Variants in MLIP observed in about 807,000 individuals in gnomAD.
MLIP encodes muscular LMNA interacting protein.
In MLIP, 79 loss-of-function variants were observed where a neutral mutation model predicts 84.8. The ratio of observed to expected loss-of-function variants is 0.93; its 90% CI spans 0.78 to 1.12. MLIP has a LOEUF of 1.12. MLIP is among the 50% of genes most tolerant of loss of function. The pLI is 0.00. For missense variants in MLIP, 1,257 were observed against 1,160.6 expected, an observed-to-expected ratio of 1.08 and a Z score of -1.21; for synonymous variants, 504 against 463.0, an observed-to-expected ratio of 1.09 and a Z score of -1.14.
chr6:54,156,391 T>C (rs1774034036), intron 5 of MLIP, among the ~76,000 whole-genome samples: 1 of 152,102 alleles, frequency 6.6e-6, no homozygotes, highest in Non-Finnish European at 1.5e-5. Context: ...CCTGAGTAGA[T>C]AGTTCTGTCA....
intron 12 of MLIP, among the ~76,000 whole-genome samples, chr6:54,250,579 T>C (rs1194038252): frequency 6.6e-6 from 1 of 152,054 alleles, no homozygotes; most frequent in African/African-American, 2.4e-5. Context: ...TATTTAACAG[T>C]GTTCATTCAT....
chr6:54,099,438 A>G (rs1008602487), intron 1 of MLIP: 1 of 152,212 alleles, frequency 6.6e-6, no homozygotes, highest in African/African-American at 2.4e-5. Flanking sequence ...TGTCATTAGA[A>G]TATCTCAAAG....
intron 4 of MLIP, 112 bp from the exon 5 acceptor site, chr6:54,148,944 C>A: frequency 3.8e-6 from 3 of 794,014 alleles, no homozygotes; most frequent in South Asian, 1.7e-5. Context: ...AGCATAATAA[C>A]CCTTTTCTTC....
At chr6:54,052,248 T>C (rs1450393778) in intron 1 of MLIP, among the ~76,000 whole-genome samples, 1 of 152,132 alleles carries the variant, frequency 6.6e-6, no homozygotes, top group Non-Finnish European at 1.5e-5. Flanking sequence ...GATGAACATC[T>C]ACCTGGATGG....
chr6:54,180,349 T>C (rs933449454), intron 9 of MLIP, among the ~76,000 whole-genome samples: 1 of 152,198 alleles, frequency 6.6e-6, no homozygotes, highest in Non-Finnish European at 1.5e-5. Context: ...TGTACTTGAA[T>C]ATTGATATCT....
chr6:54,235,473 A>T (rs9464042), intron 12 of MLIP, among the ~76,000 whole-genome samples: 2 of 152,030 alleles, frequency 1.3e-5, no homozygotes, highest in South Asian at 4.2e-4. Context: ...TCCTGTGCCA[A>T]GGCATCTCAT....
intron 1 of MLIP, 73 bp from the exon 2 acceptor site, chr6:54,121,374 A>G: frequency 6.9e-7 from 1 of 1,458,056 alleles, no homozygotes; most frequent in Non-Finnish European, 9.5e-7. Context: ...GATAAATATC[A>G]TGTCATATGG....
At chr6:54,082,217 T>A (rs979456456) in intron 1 of MLIP, among the ~76,000 whole-genome samples, 2 of 152,214 alleles carry the variant, frequency 1.3e-5, no homozygotes, top group African/African-American at 4.8e-5. Flanking sequence ...AATGAATATA[T>A]TATATTTATT....
intron 2 of MLIP, among the ~76,000 whole-genome samples, chr6:54,122,254 C>T (rs967881550): frequency 6.6e-6 from 1 of 152,096 alleles, no homozygotes; most frequent in African/African-American, 2.4e-5. Context: ...TAGTACCTCA[C>T]TTTGGCAAAG....
At chr6:54,211,944 A>G (rs557485824) in intron 11 of MLIP, among the ~76,000 whole-genome samples, 83 of 152,294 alleles carry the variant, frequency 5.4e-4, no homozygotes, top group African/African-American at 1.5e-3. Flanking sequence ...TTGTGTTCTT[A>G]GTTCTTTAGG....
chr6:54,234,755 T>C (rs1582583641), intron 12 of MLIP, among the ~76,000 whole-genome samples: 1 of 152,186 alleles, frequency 6.6e-6, no homozygotes, highest in East Asian at 1.9e-4. Flanking sequence ...CTCTTGCATT[T>C]CTCTCCTCAC....
intron 1 of MLIP, among the ~76,000 whole-genome samples, chr6:54,028,303 A>G (rs1388515445): frequency 6.6e-6 from 1 of 152,090 alleles, no homozygotes; most frequent in Non-Finnish European, 1.5e-5. Context: ...TGGTCTTCAA[A>G]ATAGGCCTAG....
intron 4 of MLIP, among the ~76,000 whole-genome samples, chr6:54,146,304 C>A (rs1224070320): frequency 6.6e-6 from 1 of 152,124 alleles, no homozygotes; most frequent in Non-Finnish European, 1.5e-5. Context: ...TCATCAATAT[C>A]ATGGAGGTGA....
intron 1 of MLIP, among the ~76,000 whole-genome samples, chr6:54,037,392 T>C (rs1242198084): frequency 1.3e-5 from 2 of 151,842 alleles, no homozygotes; most frequent in Non-Finnish European, 2.9e-5. Flanking sequence ...AGGATGTTTA[T>C]AAGACACCAA....
chr6:54,132,983 A>G (rs889310762), intron 3 of MLIP, among the ~76,000 whole-genome samples: 9 of 152,212 alleles, frequency 5.9e-5, no homozygotes, highest in African/African-American at 1.9e-4. Context: ...TGGTTTAAGA[A>G]TGAAGGTTTG....
Position 54,096,778 on chromosome 6 carries a change from C to T in MLIP, c.64-24669C>T, listed in dbSNP as rs77712415. ...TGCATCTATCTCCAGATAATCCAAC[C>T]TGCAACATCCAGTTATTAATGATTT... On this transcript the variant is annotated intron_variant, in intron 1 of 12. Coordinates refer to the MLIP transcript ENST00000274897. 7.3e-3 allele frequency among the ~76,000 whole-genome samples: 1,109 copies of T among 152,330 alleles called. 5 individuals are homozygous for T. The highest frequency in any genetic ancestry group is 0.013 in the Non-Finnish European group (890 of 68,022).
intron 5 of MLIP, among the ~76,000 whole-genome samples, chr6:54,153,091 A>C (rs952206890): frequency 2.0e-5 from 3 of 152,160 alleles, no homozygotes; most frequent in African/African-American, 7.2e-5. Context: ...CATTTGATTC[A>C]TAAGAAGTGT....
In MLIP at chr6:54,230,830, C is replaced by T. The variant is rs781156557; in HGVS notation, c.2835C>T (p.Ala945=). 3.8e-5 allele frequency: 61 copies of T among 1,614,024 alleles called. No individual in the cohort carries two copies. Among genetic ancestry groups the T allele is most frequent in the Non-Finnish European group, 4.7e-5 (55 of 1,179,988 alleles). ...PQTLSHADCL[A]PGPFSHLSFS... ...CCCTCTCACATGCTGACTGTCTTGC[C>T]CCAGGACCCTTCAGTCATCTGTCCT... Residue 945 remains alanine (A), a synonymous_variant, in exon 12 of 14, where the codon GCC becomes GCT. Transcript: ENST00000502396.
At chr6:54,198,811 G>C (rs1778470558) in intron 10 of MLIP, among the ~76,000 whole-genome samples, 1 of 152,036 alleles carries the variant, frequency 6.6e-6, no homozygotes, top group Non-Finnish European at 1.5e-5. Context: ...GAGACACAGT[G>C]GGAATTTGAT....
Sources: gnomAD v4.1 joint callset for allele counts (sites outside exome capture counted in the v4.1 genomes callset) on GRCh38, gnomAD v4.1.1 for gene constraint, MANE v1.5 for transcripts, NCBI Gene and HGNC (gene_info 2026-07-23, HGNC 2026-07-21) for gene names.